CACNA1C: variants seen among roughly 807,000 people sequenced by gnomAD.
The protein encoded by CACNA1C is voltage-dependent L-type calcium channel subunit alpha-1C.
CACNA1C carries 30 observed loss-of-function variants against 229.0 expected under a neutral mutation model. That is an observed-to-expected ratio of 0.13 (90% CI 0.10 to 0.18). The LOEUF (loss-of-function observed/expected upper bound fraction) is 0.18, where lower values mean the gene tolerates loss of function less well. CACNA1C is among the 10% of genes least tolerant of loss of function. The pLI, the probability that CACNA1C is intolerant of heterozygous loss-of-function variation, is 1.00. For missense variants in CACNA1C, 1,658 were observed against 2,845.0 expected (o/e 0.58, Z 9.49); for synonymous variants, 1,114 against 1,132.5 (o/e 0.98, Z 0.33).
chr12:2,503,177 C>T (rs2099764441), intron 7 of CACNA1C, among the ~76,000 whole-genome samples: 1 of 152,324 alleles, frequency 6.6e-6, no homozygotes, highest in Non-Finnish European at 1.5e-5. Flanking sequence ...ACGTGGGTTG[C>T]TGGGCCTTCC....
chr12:2,236,787 C>T (rs1472528531), intron 3 of CACNA1C, among the ~76,000 whole-genome samples: 1 of 152,136 alleles, frequency 6.6e-6, no homozygotes, highest in Non-Finnish European at 1.5e-5. Context: ...TGAAGTGAAC[C>T]AAGTTCTCCT....
rs111800411 is a variant in CACNA1C at position 2,677,526 on chromosome 12, C to G, written c.4957-207C>G. 8 of 643,436 alleles carry G rather than the reference C, an allele frequency of 1.2e-5. No individual in the cohort carries two copies. In the South Asian group the frequency reaches 1.6e-4, roughly 13 times the overall value. The allele number at this position is 643,436 out of a possible 1,614,324, so 39.9% of individuals were successfully genotyped here. On this transcript the variant is annotated intron_variant, in intron 40 of 46. Coordinates refer to ENST00000399655, the MANE Select transcript of CACNA1C (RefSeq NM_000719.7). This position sits in a 1 kb window ranked among gnomAD's most constrained non-coding sequence, Gnocchi z 7.4. The stretch of plus-strand genomic sequence containing the variant: ...CTGGTGCCCCGTCCTAATGAGCCTT[C>G]ATCCCTCCTGGATGGGCGAGTGGAT...
intron 1 of CACNA1C, among the ~76,000 whole-genome samples, chr12:2,047,775 T>C (rs145419502): frequency 3.9e-5 from 6 of 152,270 alleles, no homozygotes; most frequent in African/African-American, 1.2e-4. Flanking sequence ...TTAGACCTTA[T>C]CCAGTTGTGG....
At chr12:2,015,095 C>A (rs908780392) in intron 1 of CACNA1C, among the ~76,000 whole-genome samples, 2 of 152,168 alleles carry the variant, frequency 1.3e-5, no homozygotes, top group African/African-American at 4.8e-5. Context: ...CAAACCCATC[C>A]CTCTGAGGCA....
intron 45 of CACNA1C, among the ~76,000 whole-genome samples, chr12:2,686,722 G>A (rs2097523815): frequency 6.6e-6 from 1 of 152,212 alleles, no homozygotes; most frequent in Non-Finnish European, 1.5e-5. Context: ...CAGCAACATG[G>A]TCAAGAGTAG....
Position 2,601,597 on chromosome 12 carries a change from G to A in CACNA1C, c.2854-257G>A, listed in dbSNP as rs935075620. Among the ~76,000 whole-genome samples the A allele has an allele frequency of 6.6e-6, 1 of 152,222 alleles. No individual in the cohort carries two copies. The highest frequency in any genetic ancestry group is 1.5e-5 in the Non-Finnish European group (1 of 68,038). On this transcript the variant is annotated intron_variant, in intron 21 of 46. Coordinates refer to ENST00000399655, the MANE Select transcript of CACNA1C (RefSeq NM_000719.7). The surrounding 1 kb of genome is among the most constrained non-coding windows in gnomAD (Gnocchi z 5.9). ...CCACTTGAAAGGGCTTTGAATGGAGGACTAAAGAGCCTGGCTTGGCCTGGC... is the reference window on the plus strand; with the variant it reads ...CCACTTGAAAGGGCTTTGAATGGAGAACTAAAGAGCCTGGCTTGGCCTGGC...
chr12:2,446,134 T>G (rs2099275302), intron 3 of CACNA1C, among the ~76,000 whole-genome samples: 1 of 151,128 alleles, frequency 6.6e-6, no homozygotes, highest in African/African-American at 2.4e-5. Context: ...GATGGATAGA[T>G]GGATGGATAA....
intron 1 of CACNA1C, among the ~76,000 whole-genome samples, chr12:2,009,394 G>A (rs546929290): frequency 2.0e-5 from 3 of 152,296 alleles, no homozygotes; most frequent in African/African-American, 7.2e-5. Context: ...GGTTTTGTAG[G>A]CATGAATGAA....
chr12:2,383,041 T>C (rs1174314735), intron 3 of CACNA1C, among the ~76,000 whole-genome samples: 2 of 152,130 alleles, frequency 1.3e-5, no homozygotes, highest in Non-Finnish European at 2.9e-5. Flanking sequence ...TGGAACTAGT[T>C]TGTAATCCTG....
At chr12:2,244,525 A>C (rs1185485130) in intron 3 of CACNA1C, among the ~76,000 whole-genome samples, 1 of 152,178 alleles carries the variant, frequency 6.6e-6, no homozygotes, top group Non-Finnish European at 1.5e-5. Flanking sequence ...TTCCCCTGTT[A>C]ACCATGTTGT....
intron 3 of CACNA1C, among the ~76,000 whole-genome samples, chr12:2,178,028 G>T (rs868558294): frequency 7.9e-5 from 12 of 152,276 alleles, no homozygotes; most frequent in African/African-American, 2.9e-4. Flanking sequence ...CTAGGAGAAG[G>T]GCAGGCATCT....
intron 1 of CACNA1C, among the ~76,000 whole-genome samples, chr12:2,110,350 G>A (rs2081173153): frequency 6.6e-6 from 1 of 152,150 alleles, no homozygotes; most frequent in East Asian, 1.9e-4. Context: ...TCACTGCTGG[G>A]GGCACCTACC....
chr12:2,017,390 GC>G (rs1440114084), intron 1 of CACNA1C, among the ~76,000 whole-genome samples: 1 of 152,230 alleles, frequency 6.6e-6, no homozygotes, highest in East Asian at 1.9e-4. Flanking sequence ...AATGGGGACA[GC>G]CCCTTCAAGA....
intron 8 of CACNA1C, among the ~76,000 whole-genome samples, 184 bp downstream of exon 8, chr12:2,505,129 T>C (rs1461032871): frequency 3.3e-5 from 5 of 152,100 alleles, no homozygotes; most frequent in Non-Finnish European, 5.9e-5. Context: ...CTGGTCTTGG[T>C]GGTGGACAAT....
chr12:2,419,031 A>G (rs547564151), intron 3 of CACNA1C, among the ~76,000 whole-genome samples: 2 of 152,186 alleles, frequency 1.3e-5, no homozygotes, highest in African/African-American at 4.8e-5. Context: ...GAGCAAAAGG[A>G]TGGGGTGTTC....
intron 18 of CACNA1C, among the ~76,000 whole-genome samples, chr12:2,586,762 G>A (rs2153233532): frequency 6.6e-6 from 1 of 152,290 alleles, no homozygotes; most frequent in South Asian, 2.1e-4. Context: ...TCTCTGCTTA[G>A]AACACTCACA....
At position 2,693,017 on chromosome 12, in the gene CACNA1C, A is replaced by C. The variant is rs541560383; in HGVS notation, c.*1818A>C. 2 of 152,788 alleles carry C rather than the reference A, an allele frequency of 1.3e-5. No individual in the cohort carries two copies. Among genetic ancestry groups the C allele is most frequent in the South Asian group, 4.1e-4 (2 of 4,832 alleles). The allele number at this position is 152,788 out of a possible 1,614,324, so 9.5% of individuals were successfully genotyped here. A position where few individuals can be genotyped will look rare whatever the true frequency, so the allele number is the denominator to read the frequency against. On this transcript the variant is annotated 3_prime_UTR_variant, in exon 47 of 47. Transcript: ENST00000399655. ...GTTTTCTTTAGTTTGCACAATGAGCAAAGGTATCACCAGTGTAGTCATTAT... is the reference window on the plus strand; with the variant it reads ...GTTTTCTTTAGTTTGCACAATGAGCCAAGGTATCACCAGTGTAGTCATTAT...
At chr12:2,219,468 C>T (rs1307156711) in intron 3 of CACNA1C, among the ~76,000 whole-genome samples, 1 of 152,142 alleles carries the variant, frequency 6.6e-6, no homozygotes, top group Non-Finnish European at 1.5e-5. Flanking sequence ...TTTACCTGGC[C>T]ATCTAGAAAC....
At chr12:1,978,777 A>C (rs1565805565) in intron 1 of CACNA1C, among the ~76,000 whole-genome samples, 1 of 152,180 alleles carries the variant, frequency 6.6e-6, no homozygotes, top group Admixed American at 6.5e-5. Context: ...CTTCATATAA[A>C]TGGGGTCGTA....
Sources: gnomAD v4.1 joint callset for allele counts (sites outside exome capture counted in the v4.1 genomes callset) on GRCh38, gnomAD v4.1.1 for gene constraint, Gnocchi (gnomAD v3.1) non-coding constraint, MANE v1.5 for transcripts, NCBI Gene and HGNC (gene_info 2026-07-23, HGNC 2026-07-21) for gene names.